Variants in ASTN2 observed in about 807,000 individuals in gnomAD.
ASTN2 encodes the protein astrotactin-2.
In ASTN2, 54 loss-of-function variants were observed where a neutral mutation model predicts 139.8. The ratio of observed to expected loss-of-function variants is 0.39; its 90% CI spans 0.31 to 0.48. ASTN2 has a LOEUF of 0.48. Ranked by LOEUF, ASTN2 falls within the 20% of genes least tolerant of loss-of-function variation. The probability of loss-of-function intolerance (pLI) is 0.95; values close to 1 mark genes in which losing one functional copy is unlikely to be tolerated. For missense variants in ASTN2, 1,565 were observed against 1,725.1 expected, an observed-to-expected ratio of 0.91 and a Z score of 1.64; for synonymous variants, 756 against 719.5, an observed-to-expected ratio of 1.05 and a Z score of -0.81.
At chr9:116,768,447 G>C (rs10081636) in intron 13 of ASTN2, among the ~76,000 whole-genome samples, 143,630 of 152,236 alleles carry the variant, frequency 0.94, 68,326 homozygotes, top group East Asian at 1. Context: ...TCCCTGACCC[G>C]TCCTCCATCA....
At position 116,424,853 on chromosome 9, in the gene ASTN2, T is replaced by G. The variant is rs1847263037; in HGVS notation, c.*998A>C. 6.6e-6 allele frequency among the ~76,000 whole-genome samples: 1 copy of G among 152,146 alleles called. No homozygotes were observed. Among genetic ancestry groups the G allele is most frequent in the South Asian group, 2.1e-4 (1 of 4,824 alleles). On this transcript the variant is annotated 3_prime_UTR_variant, in exon 23 of 23. Coordinates refer to ENST00000313400, the MANE Select transcript of ASTN2 (RefSeq NM_001365068.1). ...ATCCACCTGCCCTGGCCTCCCAAAG[T>G]GCTAGGATTACAGGCATGAGCCACT...
At chr9:116,877,947 A>G (rs925380462) in intron 10 of ASTN2, among the ~76,000 whole-genome samples, 4 of 152,244 alleles carry the variant, frequency 2.6e-5, no homozygotes, top group African/African-American at 9.6e-5. Context: ...GCCAACAAAC[A>G]TATGAAAAAA....
At chr9:117,248,751 C>T (rs1833454866) in intron 2 of ASTN2, among the ~76,000 whole-genome samples, 1 of 152,160 alleles carries the variant, frequency 6.6e-6, no homozygotes. Context: ...AGTGCAAACC[C>T]CAAACACCCC....
At position 116,508,728 on chromosome 9, in the gene ASTN2, T is replaced by C. The variant is rs73657145; in HGVS notation, c.3356-21228A>G. ...GTAAGTGGAATATGCAGAATTACTA[T>C]AAAGATCTAAGATCTGGAACCAGCT... On this transcript the variant is annotated intron_variant, in intron 19 of 22. Coordinates refer to ENST00000313400, the MANE Select transcript of ASTN2 (RefSeq NM_001365068.1). Among the ~76,000 whole-genome samples the C allele has an allele frequency of 4.9e-4, 75 of 152,324 alleles. 1 individual carries two copies. The highest frequency in any genetic ancestry group is 1.8e-3 in the African/African-American group (74 of 41,576).
intron 13 of ASTN2, among the ~76,000 whole-genome samples, chr9:116,753,999 G>A (rs1391051918): frequency 2.5e-5 from 1 of 39,968 alleles, no homozygotes; most frequent in Non-Finnish European, 5.3e-5. Context: ...CCCCACCCCC[G>A]CCCCTGCTGC....
At chr9:116,921,570 C>T (rs565009656) in intron 10 of ASTN2, among the ~76,000 whole-genome samples, 116 of 126,912 alleles carry the variant, frequency 9.1e-4, no homozygotes, top group Non-Finnish European at 1.6e-3. Flanking sequence ...CCTGGGCGAC[C>T]GAGCGAGACT....
rs376377484 is a variant in ASTN2, at chr9:116,667,479, C to T, written c.2807-15686G>A. Among the ~76,000 whole-genome samples the T allele has an allele frequency of 4.5e-4, 68 of 152,264 alleles. 2 individuals carry two copies. Among genetic ancestry groups the T allele is most frequent in the African/African-American group, 1.5e-3 (63 of 41,560 alleles). On this transcript the variant is annotated intron_variant, in intron 16 of 22. Coordinates refer to ENST00000313400, the MANE Select transcript of ASTN2 (RefSeq NM_001365068.1). ...AAAAAAACAAATTGCAGATAAGCAA[C>T]AGCTGAAGCAAAGTTGGCAAAATAT...
chr9:117,019,389 C>A (rs984010071), intron 6 of ASTN2, among the ~76,000 whole-genome samples: 1 of 152,022 alleles, frequency 6.6e-6, no homozygotes, highest in Non-Finnish European at 1.5e-5. Flanking sequence ...CAAAAATCAG[C>A]GGTTTCAACA....
At chr9:117,044,576 A>G (rs190315239) in intron 5 of ASTN2, among the ~76,000 whole-genome samples, 2 of 152,162 alleles carry the variant, frequency 1.3e-5, no homozygotes, top group African/African-American at 4.8e-5. Context: ...GGTGGAAACT[A>G]TCTCTCCCAT....
At chr9:116,564,596 C>T (rs1263910010) in intron 19 of ASTN2, among the ~76,000 whole-genome samples, 1 of 152,190 alleles carries the variant, frequency 6.6e-6, no homozygotes, top group Non-Finnish European at 1.5e-5. Flanking sequence ...TTAATTCCAA[C>T]TGGTTGTTGT....
At chr9:116,863,000 C>G (rs1268199542) in intron 11 of ASTN2, among the ~76,000 whole-genome samples, 1 of 152,086 alleles carries the variant, frequency 6.6e-6, no homozygotes, top group Non-Finnish European at 1.5e-5. Flanking sequence ...CTTGTGTGAC[C>G]TTGTCCCACG....
chr9:116,613,866 T>C (rs1479766973), intron 19 of ASTN2, among the ~76,000 whole-genome samples: 1 of 152,168 alleles, frequency 6.6e-6, no homozygotes, highest in Non-Finnish European at 1.5e-5. Context: ...GTGTTGGAAG[T>C]TCTGGCCAGG....
At chr9:117,330,990 A>T (rs1828689456) in intron 1 of ASTN2, among the ~76,000 whole-genome samples, 1 of 152,142 alleles carries the variant, frequency 6.6e-6, no homozygotes, top group Non-Finnish European at 1.5e-5. Context: ...AGGCAGAGGG[A>T]CCCTGTGTCC....
chr9:117,138,431 G>C (rs570602505), intron 4 of ASTN2, among the ~76,000 whole-genome samples: 1 of 152,306 alleles, frequency 6.6e-6, no homozygotes, highest in South Asian at 2.1e-4. Flanking sequence ...GAAACGTGAA[G>C]GAAGCCAGTT....
chr9:116,547,620 CAG>C (rs1406810126), intron 19 of ASTN2: 3 of 152,168 alleles, frequency 2.0e-5, no homozygotes, highest in Non-Finnish European at 4.4e-5. Flanking sequence ...ATTTTTACCC[CAG>C]AGAGCTGTGA....
chr9:116,541,419 A>G (rs1851872418), intron 19 of ASTN2, among the ~76,000 whole-genome samples: 1 of 152,218 alleles, frequency 6.6e-6, no homozygotes, highest in South Asian at 2.1e-4. Flanking sequence ...TACCCAACCT[A>G]TAATGAGAGC....
chr9:116,600,323 C>CAAAAAAAAAAAAAAAAAAAAAAAAAA (rs35224783), intron 19 of ASTN2, among the ~76,000 whole-genome samples: 1 of 118,944 alleles, frequency 8.4e-6, no homozygotes, highest in Non-Finnish European at 1.7e-5. Flanking sequence ...GACCCTGTCT[C>CAAAAAAAAAAAAAAAAAAAAAAAAAA]AAAAAAAAAA....
intron 11 of ASTN2, among the ~76,000 whole-genome samples, chr9:116,855,007 A>G (rs946894109): frequency 1.3e-5 from 2 of 152,000 alleles, no homozygotes; most frequent in African/African-American, 4.8e-5. Flanking sequence ...GGTAAAACCC[A>G]TCACTTTGGA....
intron 2 of ASTN2, among the ~76,000 whole-genome samples, chr9:117,238,301 A>G (rs1286546142): frequency 6.6e-6 from 1 of 152,060 alleles, no homozygotes; most frequent in African/African-American, 2.4e-5. Context: ...TCTGCACTCA[A>G]TGGGGATAGT....
Sources: allele counts gnomAD v4.1 joint callset (sites outside exome capture counted in the v4.1 genomes callset), GRCh38; gene constraint gnomAD v4.1.1; transcripts MANE v1.5; gene names NCBI Gene and HGNC (gene_info 2026-07-23, HGNC 2026-07-21).